Variants in ABHD16A observed in about 807,000 individuals in gnomAD.
The protein encoded by ABHD16A is phosphatidylserine lipase ABHD16A.
ABHD16A carries 47 observed loss-of-function variants against 89.8 expected under a neutral mutation model. The observed-to-expected ratio is 0.52, with a 90% CI of 0.41 to 0.67. The LOEUF (loss-of-function observed/expected upper bound fraction) is 0.67. Among genes scored for constraint, ABHD16A ranks in the 30% least tolerant of loss-of-function variants. ABHD16A has a pLI of 0.00. For missense variants in ABHD16A, 580 were observed against 734.6 expected (o/e 0.79, Z 2.43); for synonymous variants, 251 against 280.4 (o/e 0.90, Z 1.05).
At position 31,698,027 on chromosome 6, in the gene ABHD16A, T is replaced by C. The variant is rs530178255; in HGVS notation, c.344-994A>G. Among the ~76,000 whole-genome samples, 1 of 152,302 alleles carries C rather than the reference T, an allele frequency of 6.6e-6. No homozygotes were observed. The highest frequency in any genetic ancestry group is 1.5e-5 in the Non-Finnish European group (1 of 68,030). On this transcript the variant is annotated intron_variant, in intron 4 of 19. Transcript: ENST00000395952. The surrounding 1 kb of genome is among the most constrained non-coding windows in gnomAD (Gnocchi z 4.1). ...CATCAATGGTATTCCCCCAAAACGATATGATGAGAGAATGATGTGTGCTGC... is the reference window on the plus strand; with the variant it reads ...CATCAATGGTATTCCCCCAAAACGACATGATGAGAGAATGATGTGTGCTGC...
chr6:31,690,137 AG>A lies in ABHD16A; in HGVS notation c.908-11del. 1 of 1,585,428 alleles carries A rather than the reference AG, an allele frequency of 6.3e-7. No homozygotes were observed. Among genetic ancestry groups the A allele is most frequent in the Non-Finnish European group, 8.6e-7 (1 of 1,166,040 alleles). The stretch of plus-strand genomic sequence containing the variant: ...AGGACTGAATATCCAGCTGTAACAC[AG>A]GGGGAGGAGGGACTGAGACCTTGTG... On this transcript the variant is annotated splice_polypyrimidine_tract_variant and intron_variant, in intron 10 of 19. Transcript: ENST00000395952. The surrounding 1 kb of genome is among the most constrained non-coding windows in gnomAD (Gnocchi z 4.1).
Position 31,703,166 on chromosome 6 carries a change from G to A in ABHD16A, c.116C>T (p.Pro39Leu). Residue 39 changes from proline to leucine, a missense_variant, in exon 1 of 20, where the codon CCC becomes CTC. Pro to Leu is a moderately conservative substitution (Grantham distance 98, BLOSUM62 -3). This residue lies in a region of ABHD16A where 165 missense variants were observed against 165.8 expected (regional missense o/e 1.00). Transcript: ENST00000395952. ...VPETPTAVTA[P>L]HSSSWDTYYQ... ...TCGACTCACCCAGGAGCTGGAATGG[G>A]GGGCAGTGACTGCCGTTGGCGTCTC... is the stretch of plus-strand genomic sequence containing the variant. 7.0e-7 allele frequency: 1 copy of A among 1,434,634 alleles called. No homozygotes were observed. Among genetic ancestry groups the A allele is most frequent in the Non-Finnish European group, 9.2e-7 (1 of 1,086,828 alleles). The allele number at this position is 1,434,634 out of a possible 1,614,324, so 88.9% of individuals were successfully genotyped here. A position where few individuals can be genotyped will look rare whatever the true frequency, so the allele number is the denominator to read the frequency against.
At chr6:31,689,942 C>A (rs1803708000) in intron 11 of ABHD16A, 136 bp downstream of exon 11, 2 of 1,198,240 alleles carry the variant, frequency 1.7e-6, no homozygotes, top group Non-Finnish European at 2.3e-6. Context: ...GCTGCCTTCA[C>A]AACCTCCTAG....
chr6:31,696,886 G>T, intron 5 of ABHD16A, 62 bp downstream of exon 5: 1 of 1,497,040 alleles, frequency 6.7e-7, no homozygotes, highest in Non-Finnish European at 9.3e-7. Context: ...CTGGTGCTCT[G>T]AGGGACAACT....
chr6:31,693,202 T>A lies in ABHD16A; in HGVS notation c.504-53A>T. On this transcript the variant is annotated intron_variant, in intron 6 of 19. Coordinates refer to ENST00000395952, the MANE Select transcript of ABHD16A (RefSeq NM_021160.3). This position sits in a 1 kb window ranked among gnomAD's most constrained non-coding sequence, Gnocchi z 5.0. ...ATAGGGTCAGGAGCAGCAAGCTGGA[T>A]GTCTGAGGTCTGGAGAACAGTGGGG... 6.3e-7 allele frequency: 1 copy of A among 1,597,918 alleles called. No individual in the cohort carries two copies. Among genetic ancestry groups the A allele is most frequent in the Non-Finnish European group, 8.5e-7 (1 of 1,170,682 alleles).
chr6:31,688,020 C>G lies in ABHD16A; in HGVS notation c.1370+21G>C, dbSNP rs781565726. 1.9e-6 allele frequency: 3 copies of G among 1,611,368 alleles called. No homozygotes were observed. Among genetic ancestry groups the G allele is most frequent in the Non-Finnish European group, 8.5e-7 (1 of 1,178,710 alleles). ...CTGTGTGTGTACACTGCCCCCAGCG[C>G]GCACACACCCTGGCTCTCACCGATG... On this transcript the variant is annotated intron_variant, in intron 16 of 19. Transcript: ENST00000395952. The surrounding 1 kb of genome is among the most constrained non-coding windows in gnomAD (Gnocchi z 4.9).
At chr6:31,691,398 T>C in intron 9 of ABHD16A, 181 bp downstream of exon 9, 2 of 594,030 alleles carry the variant, frequency 3.4e-6, no homozygotes, top group African/African-American at 3.7e-5. Flanking sequence ...ACGTCTCTCC[T>C]ACTTCATCTG....
At chr6:31,691,383 C>G (rs1225108483) in intron 9 of ABHD16A, 196 bp downstream of exon 9, 4 of 568,686 alleles carry the variant, frequency 7.0e-6, no homozygotes, top group Non-Finnish European at 1.3e-5. Flanking sequence ...GTTTCTCGTC[C>G]TTGAACGTCT....
Position 31,701,006 on chromosome 6 carries a change from C to A in ABHD16A, c.279G>T (p.Val93=). 1 of 1,613,936 alleles carries A rather than the reference C, an allele frequency of 6.2e-7. No homozygotes were observed. The highest frequency in any genetic ancestry group is 8.5e-7 in the Non-Finnish European group (1 of 1,179,930). Residue 93 remains valine, a synonymous_variant, in exon 4 of 20, where the codon GTG becomes GTT. Transcript: ENST00000395952. ...YRKGYLSLSK[V]VPFSHYAGTL... The stretch of plus-strand genomic sequence containing the variant: ...TCCCAGCATAGTGAGAAAACGGCAC[C>A]ACTTTGGACAAACTCAAGTAACCTG...
chr6:31,701,072 C>T, intron 3 of ABHD16A, 44 bp from the exon 4 acceptor site: 2 of 1,521,298 alleles, frequency 1.3e-6, no homozygotes, highest in Non-Finnish European at 1.8e-6. Flanking sequence ...CCGCAATGTC[C>T]CTCAGCTCCT....
At chr6:31,692,347 T>C (rs1803972414) in intron 7 of ABHD16A, 1 of 163,838 alleles carries the variant, frequency 6.1e-6, no homozygotes, top group Non-Finnish European at 1.3e-5. Context: ...CCCTGACTAA[T>C]TAGCACACTG....
Position 31,701,301 on chromosome 6 carries a change from A to C in ABHD16A, c.229T>G (p.Phe77Val). The C allele has an allele frequency of 6.2e-7, 1 of 1,613,656 alleles. No individual in the cohort carries two copies. The highest frequency in any genetic ancestry group is 2.2e-5 in the East Asian group (1 of 44,814). Reference sequence around the variant, plus strand: ...TTCCTGTACAAGTAGAAGAAGGCGAAGGGAGAGGAGTAATAAGAGATGGAC... The same window carrying C: ...TTCCTGTACAAGTAGAAGAAGGCGACGGGAGAGGAGTAATAAGAGATGGAC... ...FWSISYYSSP[F>V]AFFYLYRKGY... The change falls in exon 3 of 20, where the codon TTC becomes GTC. Residue 77 changes from phenylalanine to valine, a missense_variant. Transcript: ENST00000395952.
rs921873066 is a variant in ABHD16A, at chr6:31,691,879, A to T, written c.666T>A (p.Tyr222Ter). 6.2e-7 allele frequency: 1 copy of T among 1,611,354 alleles called. No individual in the cohort carries two copies. Among genetic ancestry groups the T allele is most frequent in the Non-Finnish European group, 8.5e-7 (1 of 1,179,760 alleles). ...TCTGCAGCAGGTACACAGAGCCTGG[A>T]TACAGCATCCGGCGCCCTAGGGTGT... ...VAHTLGRRML[Y>*]PGSVYLLQKA... The change falls in exon 8 of 20, where the codon TAT becomes TAA. Residue 222 changes from tyrosine to a stop codon, truncating the protein, a stop_gained. Coordinates refer to ENST00000395952, the MANE Select transcript of ABHD16A (RefSeq NM_021160.3). LOFTEE classifies it high-confidence loss of function.
chr6:31,694,947 G>C (rs566231159), intron 5 of ABHD16A, among the ~76,000 whole-genome samples: 1 of 152,142 alleles, frequency 6.6e-6, no homozygotes, highest in Non-Finnish European at 1.5e-5. Flanking sequence ...CTATGACTCC[G>C]AATGGGTCAC....
Position 31,693,295 on chromosome 6 carries a change from C to G in ABHD16A, c.503+64G>C. The stretch of plus-strand genomic sequence containing the variant: ...CTGAGAGGGCATGGAGGTGGGAGGG[C>G]AGAGCAGAGATTTTCTGGAATGGTT... On this transcript the variant is annotated intron_variant, in intron 6 of 19. Coordinates refer to ENST00000395952, the MANE Select transcript of ABHD16A (RefSeq NM_021160.3). This position sits in a 1 kb window ranked among gnomAD's most constrained non-coding sequence, Gnocchi z 5.0. 6.2e-7 allele frequency: 1 copy of G among 1,600,578 alleles called. No individual in the cohort carries two copies. The highest frequency in any genetic ancestry group is 8.5e-7 in the Non-Finnish European group (1 of 1,169,724).
In ABHD16A at chr6:31,691,664, G is replaced by C; in HGVS notation, c.758C>G (p.Ala253Gly). ...ATTGCCATCACAGGCCAGCAGCTTT[G>C]CCCGGCGCCCATTACACTGAGTACG... ...RLVEECNGRR[A>G]KLLACDGNEI... Residue 253 changes from alanine to glycine, a missense_variant, in exon 9 of 20, where the codon GCA becomes GGA. Transcript: ENST00000395952. 1.3e-6 allele frequency: 2 copies of C among 1,597,022 alleles called. No individual in the cohort carries two copies. The highest frequency in any genetic ancestry group is 2.2e-5 in the South Asian group (2 of 90,786).
Position 31,687,974 on chromosome 6 carries a change from T to A in ABHD16A, c.1370+67A>T. The A allele has an allele frequency of 2.5e-6, 4 of 1,612,192 alleles. No individual in the cohort carries two copies. The highest frequency in any genetic ancestry group is 1.3e-5 in the African/African-American group (1 of 74,984). On this transcript the variant is annotated intron_variant, in intron 16 of 19. Coordinates refer to ENST00000395952, the MANE Select transcript of ABHD16A (RefSeq NM_021160.3). The surrounding 1 kb of genome is among the most constrained non-coding windows in gnomAD (Gnocchi z 6.3). The stretch of plus-strand genomic sequence containing the variant: ...CCATCCCTGAACCTTCCTCCCTCCT[T>A]CCCTGTGCTGGTATCAGTATCTGTG...
chr6:31,691,900 G>T lies in ABHD16A; in HGVS notation c.645C>A (p.Thr215=). ...CQITSYLVAH[T]LGRRMLYPGS... Reference sequence around the variant, plus strand: ...CTGGATACAGCATCCGGCGCCCTAGGGTGTGCGCCACCAGGTAGCTGTGGG... The same window carrying T: ...CTGGATACAGCATCCGGCGCCCTAGTGTGTGCGCCACCAGGTAGCTGTGGG... Residue 215 remains threonine (T), a synonymous_variant, in exon 8 of 20, where the codon ACC becomes ACA. Coordinates refer to ENST00000395952, the MANE Select transcript of ABHD16A (RefSeq NM_021160.3). 6.2e-7 allele frequency: 1 copy of T among 1,609,126 alleles called. No individual in the cohort carries two copies. The highest frequency in any genetic ancestry group is 8.5e-7 in the Non-Finnish European group (1 of 1,178,786).
In ABHD16A at chr6:31,687,163, C is replaced by T. The variant is rs954187094; in HGVS notation, c.*49G>A. On this transcript the variant is annotated 3_prime_UTR_variant, in exon 20 of 20. Transcript: ENST00000395952. This position sits in a 1 kb window ranked among gnomAD's most constrained non-coding sequence, Gnocchi z 6.3. ...AGAATCACAAATAAGAGGGTCTTTCCTCATGTCTCCTCTCACCCCATTCTT... is the reference window on the plus strand; with the variant it reads ...AGAATCACAAATAAGAGGGTCTTTCTTCATGTCTCCTCTCACCCCATTCTT... 7.2e-6 allele frequency: 11 copies of T among 1,525,504 alleles called. No homozygotes were observed. Among genetic ancestry groups the T allele is most frequent in the Non-Finnish European group, 9.9e-6 (11 of 1,106,646 alleles). The allele number at this position is 1,525,504 out of a possible 1,614,324, so 94.5% of individuals were successfully genotyped here. A position where few individuals can be genotyped will look rare whatever the true frequency, so the allele number is the denominator to read the frequency against.
Sources: allele counts gnomAD v4.1 joint callset (sites outside exome capture counted in the v4.1 genomes callset), GRCh38; gene constraint gnomAD v4.1.1; regional missense constraint gnomAD v4.1.1; non-coding constraint Gnocchi (gnomAD v3.1); transcripts MANE v1.5; gene names NCBI Gene and HGNC (gene_info 2026-07-23, HGNC 2026-07-21).